The following NRXN3 variants were observed in gnomAD, a reference collection of about 807,000 sequenced individuals.
NRXN3 encodes the protein neurexin III.
In NRXN3, 32 loss-of-function variants were observed where a neutral mutation model predicts 137.6. The ratio of observed to expected loss-of-function variants is 0.23; its 90% CI spans 0.18 to 0.31. The LOEUF (loss-of-function observed/expected upper bound fraction) is 0.31, where lower values mean the gene tolerates loss of function less well. NRXN3 is among the 10% of genes least tolerant of loss of function. NRXN3 has a pLI of 1.00. For synonymous variants in NRXN3, 798 were observed against 784.5 expected (o/e 1.02, Z -0.29); for missense variants, 1,574 against 2,062.5 (o/e 0.76, Z 4.59).
chr14:79,524,876 A>C (rs1280638109), intron 16 of NRXN3, among the ~76,000 whole-genome samples: 1 of 152,170 alleles, frequency 6.6e-6, no homozygotes, highest in Non-Finnish European at 1.5e-5. Context: ...AAAGGGTATG[A>C]TCTAATGGTA....
At chr14:79,183,931 A>G (rs1184561519) in intron 15 of NRXN3, among the ~76,000 whole-genome samples, 1 of 152,226 alleles carries the variant, frequency 6.6e-6, no homozygotes, top group African/African-American at 2.4e-5. Context: ...CTGAGATCAT[A>G]GGACCCAAGA....
chr14:78,891,464 C>T (rs901875590), intron 10 of NRXN3, among the ~76,000 whole-genome samples: 29 of 151,770 alleles, frequency 1.9e-4, no homozygotes, highest in African/African-American at 6.5e-4. Context: ...GTGTGAGTAA[C>T]GTCTACAGTG....
intron 1 of NRXN3, among the ~76,000 whole-genome samples, chr14:78,241,661 G>C (rs1187336464): frequency 6.6e-6 from 1 of 151,262 alleles, no homozygotes; most frequent in Non-Finnish European, 1.5e-5. Context: ...TCCTATACCT[G>C]ATTTCATTGA....
At chr14:79,161,459 A>G (rs2060762229) in intron 15 of NRXN3, among the ~76,000 whole-genome samples, 1 of 151,992 alleles carries the variant, frequency 6.6e-6, no homozygotes, top group Non-Finnish European at 1.5e-5. Context: ...AATGCAGATC[A>G]CTAGGCAGAA....
intron 16 of NRXN3, among the ~76,000 whole-genome samples, chr14:79,552,329 T>C (rs1022355531): frequency 6.2e-4 from 95 of 152,178 alleles, no homozygotes; most frequent in African/African-American, 2.2e-3. Flanking sequence ...CAGTGGGAAG[T>C]AGCCCAGCAT....
In NRXN3 at chr14:79,408,392, C is replaced by T. The variant is rs192816500; in HGVS notation, c.3263-58829C>T. Among the ~76,000 whole-genome samples, 9 of 152,210 alleles carry T rather than the reference C, an allele frequency of 5.9e-5. 1 individual carries two copies. The East Asian group carries it at 1.2e-3, about 20-fold the overall frequency. On this transcript the variant is annotated intron_variant, in intron 15 of 20. Coordinates refer to ENST00000335750, the MANE Select transcript of NRXN3 (RefSeq NM_001330195.2). ...ATTCTTTATGTCACTTGAAGGATAA[C>T]GTCACTACAGTTAATTTTGATAATA... is the stretch of plus-strand genomic sequence containing the variant.
In NRXN3 at chr14:78,982,703, C is replaced by T. The variant is rs7142893; in HGVS notation, c.3143-5319C>T. 0.031 allele frequency among the ~76,000 whole-genome samples: 4,745 copies of T among 152,108 alleles called. 480 individuals are homozygous for T. In the East Asian group the frequency reaches 0.4, roughly 13 times the overall value. On this transcript the variant is annotated intron_variant, in intron 14 of 20. Coordinates refer to ENST00000335750, the MANE Select transcript of NRXN3 (RefSeq NM_001330195.2). The stretch of plus-strand genomic sequence containing the variant: ...AAACTATAAAACTACTAGAAGAAAA[C>T]GTACAGGAAGTGCTCCATTGCATTG...
chr14:78,627,981 G>A (rs2097483360), intron 4 of NRXN3, among the ~76,000 whole-genome samples: 1 of 151,942 alleles, frequency 6.6e-6, no homozygotes, highest in Non-Finnish European at 1.5e-5. Context: ...TCATGATGGA[G>A]TGCTGCAGAG....
At chr14:79,425,232 C>T (rs1337487229) in intron 15 of NRXN3, among the ~76,000 whole-genome samples, 1 of 152,158 alleles carries the variant, frequency 6.6e-6, no homozygotes, top group East Asian at 1.9e-4. Context: ...ATAGTACCTA[C>T]TTCTTAGGGT....
intron 19 of NRXN3, among the ~76,000 whole-genome samples, chr14:79,767,728 G>C (rs2099060910): frequency 6.6e-6 from 1 of 152,236 alleles, no homozygotes; most frequent in African/African-American, 2.4e-5. Context: ...TTACACAGCT[G>C]ATAGGTGATG....
intron 16 of NRXN3, among the ~76,000 whole-genome samples, chr14:79,468,482 G>A (rs1396725960): frequency 6.6e-6 from 1 of 152,128 alleles, no homozygotes; most frequent in Non-Finnish European, 1.5e-5. Flanking sequence ...AGGCAGTTAA[G>A]AAAAAAGATC....
chr14:79,019,241 A>T (rs1203366936), intron 15 of NRXN3, among the ~76,000 whole-genome samples: 1 of 152,170 alleles, frequency 6.6e-6, no homozygotes, highest in Non-Finnish European at 1.5e-5. Flanking sequence ...TGAGATGAGG[A>T]TATGCATAGA....
At chr14:79,085,290 C>T (rs1202935401) in intron 15 of NRXN3, among the ~76,000 whole-genome samples, 1 of 152,094 alleles carries the variant, frequency 6.6e-6, no homozygotes, top group Non-Finnish European at 1.5e-5. Flanking sequence ...TTGTTGTCTT[C>T]AGCATTGAAA....
chr14:78,644,106 A>C lies in NRXN3; in HGVS notation c.758-1014A>C, dbSNP rs1359770629. Among the ~76,000 whole-genome samples the C allele has an allele frequency of 3.4e-5, 5 of 146,778 alleles. No individual in the cohort carries two copies. In the Admixed American group the frequency reaches 3.5e-4, roughly 10 times the overall value. ...CAGTGAGCCGAGATCACACCACTGC[A>C]CTCCAGCCTGGTGACAGAGCAAGAC... On this transcript the variant is annotated intron_variant, in intron 4 of 20. Coordinates refer to ENST00000335750, the MANE Select transcript of NRXN3 (RefSeq NM_001330195.2).
chr14:78,795,618 T>C (rs990182339), intron 8 of NRXN3, among the ~76,000 whole-genome samples: 2 of 152,158 alleles, frequency 1.3e-5, no homozygotes, highest in African/African-American at 4.8e-5. Context: ...GGGCTTACTA[T>C]GACAAATACA....
chr14:78,186,807 C>T lies in NRXN3; in HGVS notation c.-704+16133C>T, dbSNP rs112014169. On this transcript the variant is annotated intron_variant, in intron 1 of 20. Coordinates refer to ENST00000335750, the MANE Select transcript of NRXN3 (RefSeq NM_001330195.2). Reference sequence around the variant, plus strand: ...ACAGGATAGTGGTGGGAACATGATGCTCCCTGATTTCAGATGGTCACACTG... The same window carrying T: ...ACAGGATAGTGGTGGGAACATGATGTTCCCTGATTTCAGATGGTCACACTG... Among the ~76,000 whole-genome samples, 1,299 of 152,244 alleles carry T rather than the reference C, an allele frequency of 8.5e-3. 17 individuals carry two copies. The highest frequency in any genetic ancestry group is 0.028 in the African/African-American group (1,173 of 41,534).
chr14:79,360,772 T>C (rs2093655934), intron 15 of NRXN3, among the ~76,000 whole-genome samples: 1 of 152,218 alleles, frequency 6.6e-6, no homozygotes, highest in African/African-American at 2.4e-5. Context: ...AAACATTAAT[T>C]AGGCTATGCT....
At chr14:78,679,094 G>A (rs1253055076) in intron 6 of NRXN3, among the ~76,000 whole-genome samples, 2 of 152,052 alleles carry the variant, frequency 1.3e-5, no homozygotes, top group African/African-American at 4.8e-5. Context: ...GCAGCAACAG[G>A]AAATAAAGGC....
chr14:78,293,890 A>T (rs2076047738), intron 3 of NRXN3, among the ~76,000 whole-genome samples: 1 of 152,166 alleles, frequency 6.6e-6, no homozygotes, highest in African/African-American at 2.4e-5. Flanking sequence ...TCAACCATGT[A>T]CCTGGCAGTG....
Sources: allele counts gnomAD v4.1 joint callset (sites outside exome capture counted in the v4.1 genomes callset), GRCh38; gene constraint gnomAD v4.1.1; transcripts MANE v1.5; gene names NCBI Gene and HGNC (gene_info 2026-07-23, HGNC 2026-07-21).